The following ZNF33A variants were observed in gnomAD, a reference collection of about 807,000 sequenced individuals.
ZNF33A encodes brain my041 protein.
A neutral mutation model predicts 15.9 loss-of-function variants in ZNF33A; 9 were observed. The ratio of observed to expected loss-of-function variants is 0.57; its 90% CI spans 0.34 to 0.99. ZNF33A has a LOEUF of 0.99. ZNF33A is among the 50% of genes least tolerant of loss of function. The probability of loss-of-function intolerance (pLI) is 0.02; values close to 1 mark genes in which losing one functional copy is unlikely to be tolerated. For missense variants in ZNF33A, 843 were observed against 941.6 expected (o/e 0.90, Z 1.37); for synonymous variants, 294 against 324.2 (o/e 0.91, Z 1.00).
intron 4 of ZNF33A, among the ~76,000 whole-genome samples, chr10:38,026,271 A>G (rs536867185): frequency 7.7e-4 from 1 of 1,306 alleles, no homozygotes; most frequent in African/African-American, 8.8e-4. Flanking sequence ...TTCTTTTATC[A>G]AAGTATTTCT....
At chr10:38,039,389 A>AT (rs781515316) in intron 4 of ZNF33A, 1 of 440,072 alleles carries the variant, frequency 2.3e-6, no homozygotes. Context: ...CACCCAGCTA[A>AT]TTTTTTGTGT....
intron 4 of ZNF33A, among the ~76,000 whole-genome samples, chr10:38,027,986 T>TA (rs1304366054): frequency 5.3e-5 from 8 of 152,240 alleles, no homozygotes; most frequent in Non-Finnish European, 8.8e-5. Flanking sequence ...ATCATGATTT[T>TA]AAAAAATCTA....
chr10:38,025,635 C>A (rs2135591116), intron 4 of ZNF33A, among the ~76,000 whole-genome samples: 1 of 152,354 alleles, frequency 6.6e-6, no homozygotes, highest in Admixed American at 6.5e-5. Context: ...AGGAAATAAA[C>A]TTCTGTTGTT....
At chr10:38,028,153 A>T (rs1264317356) in intron 4 of ZNF33A, among the ~76,000 whole-genome samples, 2 of 152,018 alleles carry the variant, frequency 1.3e-5, no homozygotes, top group African/African-American at 2.4e-5. Flanking sequence ...TTGTGGTTCC[A>T]GCTACTTGGG....
intron 1 of ZNF33A, among the ~76,000 whole-genome samples, chr10:38,011,722 A>G (rs2064196283): frequency 6.6e-6 from 1 of 152,216 alleles, no homozygotes; most frequent in Admixed American, 6.5e-5. Context: ...CTGACCCCTA[A>G]GCCAGTACTG....
At chr10:38,021,683 A>T (rs776791194) in intron 4 of ZNF33A, among the ~76,000 whole-genome samples, 15 of 152,050 alleles carry the variant, frequency 9.9e-5, no homozygotes, top group Non-Finnish European at 1.6e-4. Context: ...GCAAAATAAA[A>T]TTTTTTTCTC....
intron 4 of ZNF33A, among the ~76,000 whole-genome samples, chr10:38,037,389 T>A (rs1418679337): frequency 6.6e-6 from 1 of 151,862 alleles, no homozygotes; most frequent in Non-Finnish European, 1.5e-5. Flanking sequence ...AGTGGCACGA[T>A]CTTGGCTCAC....
At chr10:38,041,517 T>C (rs2065698270) in intron 4 of ZNF33A, among the ~76,000 whole-genome samples, 1 of 151,926 alleles carries the variant, frequency 6.6e-6, no homozygotes, top group Non-Finnish European at 1.5e-5. Context: ...TATTTTCTCT[T>C]CTCTATTTGT....
At chr10:38,052,088 A>G (rs149951612) in intron 4 of ZNF33A, among the ~76,000 whole-genome samples, 155 of 152,278 alleles carry the variant, frequency 1.0e-3, no homozygotes, top group African/African-American at 3.6e-3. Flanking sequence ...ATGTCCACCC[A>G]TACTTGATAG....
At chr10:38,048,924 T>C (rs1358092176) in intron 4 of ZNF33A, among the ~76,000 whole-genome samples, 2 of 152,106 alleles carry the variant, frequency 1.3e-5, no homozygotes, top group South Asian at 2.1e-4. Flanking sequence ...TTATAAAATA[T>C]CTTCTGCACC....
Position 38,029,972 on chromosome 10 carries a change from C to G in ZNF33A, c.250+12586C>G, listed in dbSNP as rs117318462. ...AACACCCACAATTTGTTGAAGAACA[C>G]TAATATATTCATCCAAGAAGCTCAA... On this transcript the variant is annotated intron_variant, in intron 4 of 4. Coordinates refer to ENST00000432900, the MANE Select transcript of ZNF33A (RefSeq NM_006954.2). Among the ~76,000 whole-genome samples, 988 of 152,236 alleles carry G rather than the reference C, an allele frequency of 6.5e-3. 12 individuals are homozygous for G. The highest frequency in any genetic ancestry group is 0.054 in the South Asian group (260 of 4,822).
chr10:38,064,008 A>C, downstream of ZNF33A: 1 of 1,341,520 alleles, frequency 7.5e-7, no homozygotes, highest in South Asian at 1.2e-5. Context: ...GGAAGAAAAG[A>C]GGGCTTTCAG....
At chr10:38,052,067 A>G (rs1222912717) in intron 4 of ZNF33A, among the ~76,000 whole-genome samples, 2 of 152,174 alleles carry the variant, frequency 1.3e-5, no homozygotes, top group South Asian at 4.1e-4. Context: ...AATATCAGGA[A>G]CATGACAAGG....
At chr10:38,038,003 C>G (rs1166398575) in intron 4 of ZNF33A, among the ~76,000 whole-genome samples, 1 of 152,048 alleles carries the variant, frequency 6.6e-6, no homozygotes, top group Non-Finnish European at 1.5e-5. Flanking sequence ...AGTGCCTTTC[C>G]ATTTATTTAG....
At chr10:38,012,404 G>C (rs913100738) in intron 2 of ZNF33A, 54 bp downstream of exon 2, 1 of 912,818 alleles carries the variant, frequency 1.1e-6, no homozygotes, top group African/African-American at 1.7e-5. Flanking sequence ...TGTGAGATTT[G>C]TAAGAGTCGA....
chr10:38,037,099 T>G (rs935777811), intron 4 of ZNF33A, among the ~76,000 whole-genome samples: 53 of 152,302 alleles, frequency 3.5e-4, no homozygotes, highest in African/African-American at 1.3e-3. Flanking sequence ...CTAATTTGTT[T>G]TTTCTTTTGT....
downstream of ZNF33A, among the ~76,000 whole-genome samples, chr10:38,066,568 C>G (rs1420119574): frequency 1.3e-5 from 2 of 149,844 alleles, no homozygotes; most frequent in East Asian, 4.1e-4. Flanking sequence ...ATTTTTATAT[C>G]CATTATTCCA....
intron 1 of ZNF33A, 108 bp downstream of exon 1, chr10:38,010,891 A>T: frequency 7.2e-7 from 1 of 1,385,358 alleles, no homozygotes; most frequent in Non-Finnish European, 9.9e-7. Flanking sequence ...CGGGGACCTC[A>T]TAGGGGAAGG....
intron 4 of ZNF33A, among the ~76,000 whole-genome samples, chr10:38,026,284 T>C (rs1490923927): frequency 6.6e-6 from 1 of 151,940 alleles, no homozygotes; most frequent in Admixed American, 6.6e-5. Context: ...GTATTTCTTT[T>C]AGCTTTTTGG....
Sources: allele counts gnomAD v4.1 joint callset (sites outside exome capture counted in the v4.1 genomes callset), GRCh38; gene constraint gnomAD v4.1.1; transcripts MANE v1.5; gene names NCBI Gene and HGNC (gene_info 2026-07-23, HGNC 2026-07-21).